GPC4: variants seen among roughly 807,000 people sequenced by gnomAD.
The protein encoded by GPC4 is glypican-4.
Under a neutral mutation model 35.0 loss-of-function variants are expected in GPC4, and 10 were observed. That is an observed-to-expected ratio of 0.29 (90% CI 0.18 to 0.48). GPC4 has a LOEUF of 0.48. Among genes scored for constraint, GPC4 ranks in the 20% least tolerant of loss-of-function variants. GPC4 has a pLI of 0.99. For missense variants in GPC4, 322 were observed against 451.3 expected, an observed-to-expected ratio of 0.71 and a Z score of 2.60; for synonymous variants, 167 against 170.2, an observed-to-expected ratio of 0.98 and a Z score of 0.15.
chrX:133,347,643 TG>T (rs761154516), intron 1 of GPC4, among the ~76,000 whole-genome samples: 11 of 111,170 alleles, frequency 9.9e-5, no homozygotes, highest in Admixed American at 2.9e-4. Flanking sequence ...GAACATACAA[TG>T]CTCTGCTTCA....
At chrX:133,358,584 AAAAC>A (rs1441155415) in intron 1 of GPC4, among the ~76,000 whole-genome samples, 2 of 112,349 alleles carry the variant, frequency 1.8e-5, no homozygotes, top group Non-Finnish European at 3.8e-5. Flanking sequence ...ATGTCAAATA[AAAAC>A]AAACAAACAA....
intron 1 of GPC4, among the ~76,000 whole-genome samples, chrX:133,397,993 T>G (rs56322443): frequency 0.41 from 45,674 of 110,492 alleles, 7,782 homozygotes; most frequent in African/African-American, 0.65. Context: ...GAACCCAGGA[T>G]GCACAAGCTG....
At chrX:133,303,903 G>GAGGAAGGAAGGAAGGA (rs59442838) in intron 7 of GPC4, among the ~76,000 whole-genome samples, 3,019 of 75,341 alleles carry the variant, frequency 0.04, 111 homozygotes, top group African/African-American at 0.075. Flanking sequence ...TACTCTGTTG[G>GAGGAAGGAAGGAAGGA]AGGAAGGAAG....
intron 1 of GPC4, among the ~76,000 whole-genome samples, chrX:133,384,540 G>A (rs1418772599): frequency 9.0e-6 from 1 of 111,270 alleles, no homozygotes; most frequent in Non-Finnish European, 1.9e-5. Flanking sequence ...AGCAGACTCT[G>A]AGCATTGTCC....
chrX:133,379,588 A>G (rs1228156081), intron 1 of GPC4, among the ~76,000 whole-genome samples: 1 of 112,238 alleles, frequency 8.9e-6, no homozygotes, highest in East Asian at 2.8e-4. Context: ...GTTTCAACAA[A>G]AAAAATGAAA....
At chrX:133,364,389 C>G (rs1054357350) in intron 1 of GPC4, among the ~76,000 whole-genome samples, 3 of 111,679 alleles carry the variant, frequency 2.7e-5, no homozygotes, top group African/African-American at 9.8e-5. Context: ...AGAATTCCAT[C>G]TGGACTGGCC....
intron 1 of GPC4, among the ~76,000 whole-genome samples, chrX:133,339,739 C>T (rs1335600010): frequency 1.8e-5 from 2 of 112,456 alleles, no homozygotes; most frequent in African/African-American, 6.5e-5. Flanking sequence ...CCAAGAGAGA[C>T]TGTCCTTAAT....
At chrX:133,403,167 A>G (rs184316824) in intron 1 of GPC4, among the ~76,000 whole-genome samples, 38 of 112,166 alleles carry the variant, frequency 3.4e-4, no homozygotes, top group Non-Finnish European at 1.3e-4. Context: ...TGCAAAAGTT[A>G]AAAATAAATG....
chrX:133,315,562 C>T (rs1244481277), intron 3 of GPC4, among the ~76,000 whole-genome samples: 1 of 111,387 alleles, frequency 9.0e-6, no homozygotes, highest in African/African-American at 3.3e-5. Context: ...TGGTAACCCT[C>T]AAAATCAATT....
chrX:133,312,785 A>C (rs916239761), intron 3 of GPC4, among the ~76,000 whole-genome samples: 1 of 111,103 alleles, frequency 9.0e-6, no homozygotes, highest in East Asian at 2.9e-4. Context: ...GAAAGGAAGA[A>C]AGACAGAAAC....
intron 2 of GPC4, among the ~76,000 whole-genome samples, chrX:133,329,667 A>C (rs1347174945): frequency 2.7e-5 from 3 of 111,197 alleles, no homozygotes; most frequent in Admixed American, 9.7e-5. Flanking sequence ...ATAAAAAATA[A>C]GAATAAATCA....
intron 3 of GPC4, among the ~76,000 whole-genome samples, chrX:133,319,443 CAAAAAAAAAAAAA>C (rs369290840): frequency 7.2e-3 from 121 of 16,892 alleles, no homozygotes; most frequent in African/African-American, 0.022. Flanking sequence ...GACCCTATGT[CAAAAAAAAAAAAA>C]AAAAAAAAAA....
At chrX:133,363,150 C>A (rs752679672) in intron 1 of GPC4, among the ~76,000 whole-genome samples, 2 of 111,787 alleles carry the variant, frequency 1.8e-5, no homozygotes, top group East Asian at 5.6e-4. Flanking sequence ...GTTTTAAAAT[C>A]TTTTATTATT....
chrX:133,333,323 T>C (rs2068429090), intron 2 of GPC4, among the ~76,000 whole-genome samples: 1 of 112,954 alleles, frequency 8.9e-6, no homozygotes, highest in South Asian at 3.6e-4. Flanking sequence ...GCTGATGTCA[T>C]GCCTTCTGAA....
At chrX:133,337,379 G>GA (rs1311115124) in intron 2 of GPC4, among the ~76,000 whole-genome samples, 1 of 111,730 alleles carries the variant, frequency 9.0e-6, no homozygotes, top group Non-Finnish European at 1.9e-5. Flanking sequence ...AAACCATGGG[G>GA]AGCGAGAAGG....
chrX:133,306,256 T>C (rs1474703860), intron 4 of GPC4, 102 bp from the exon 5 acceptor site: 41 of 906,541 alleles, frequency 4.5e-5, no homozygotes, highest in Non-Finnish European at 5.8e-5. Flanking sequence ...GTTTCCTGCA[T>C]GGGGGCAGGG....
chrX:133,387,259 T>C (rs1161648278), intron 1 of GPC4, among the ~76,000 whole-genome samples: 1 of 112,211 alleles, frequency 8.9e-6, no homozygotes, highest in Non-Finnish European at 1.9e-5. Context: ...CAGTATTTCC[T>C]GTTATTGTAG....
intron 1 of GPC4, among the ~76,000 whole-genome samples, chrX:133,351,220 T>C (rs1001036904): frequency 8.9e-6 from 1 of 111,781 alleles, no homozygotes; most frequent in Admixed American, 9.5e-5. Flanking sequence ...AGCCACTATG[T>C]TGCTATTCAG....
chrX:133,409,675 T>C (rs998066611), intron 1 of GPC4, among the ~76,000 whole-genome samples: 2 of 111,550 alleles, frequency 1.8e-5, no homozygotes, highest in African/African-American at 6.5e-5. Context: ...AACAGGGAAT[T>C]AGGAAGAAGT....
Sources: gnomAD v4.1 joint callset for allele counts (sites outside exome capture counted in the v4.1 genomes callset) on GRCh38, gnomAD v4.1.1 for gene constraint, MANE v1.5 for transcripts, NCBI Gene and HGNC (gene_info 2026-07-23, HGNC 2026-07-21) for gene names.